Variants in GALNTL6 observed in about 807,000 individuals in gnomAD.
The protein encoded by GALNTL6 is polypeptide N-acetylgalactosaminyltransferase like 6.
Under a neutral mutation model 73.7 loss-of-function variants are expected in GALNTL6, and 46 were observed. That is an observed-to-expected ratio of 0.62 (90% CI 0.49 to 0.80). GALNTL6 has a LOEUF of 0.80. GALNTL6 is among the 30% of genes least tolerant of loss of function. GALNTL6 has a pLI of 0.00. For missense variants in GALNTL6, 604 were observed against 755.0 expected (o/e 0.80, Z 2.34); for synonymous variants, 259 against 263.7 (o/e 0.98, Z 0.17).
intron 8 of GALNTL6, among the ~76,000 whole-genome samples, chr4:172,894,860 G>A (rs1746234237): frequency 6.6e-6 from 1 of 151,110 alleles, no homozygotes; most frequent in African/African-American, 2.4e-5. Flanking sequence ...GGGTGTTTTG[G>A]TATTGGTATT....
At chr4:172,299,261 C>T (rs1302508977) in intron 3 of GALNTL6, among the ~76,000 whole-genome samples, 1 of 152,058 alleles carries the variant, frequency 6.6e-6, no homozygotes, top group East Asian at 1.9e-4. Context: ...TCTCTCTTTT[C>T]TTCTTTATTA....
intron 2 of GALNTL6, among the ~76,000 whole-genome samples, chr4:172,049,259 G>A (rs1454793994): frequency 6.6e-6 from 1 of 152,048 alleles, no homozygotes; most frequent in Non-Finnish European, 1.5e-5. Context: ...GCATTCACAA[G>A]AAGTAAACTT....
chr4:172,901,483 A>T (rs1746627091), intron 8 of GALNTL6, among the ~76,000 whole-genome samples: 1 of 152,174 alleles, frequency 6.6e-6, no homozygotes, highest in South Asian at 2.1e-4. Context: ...TAAGGTCTGG[A>T]AAACACGTCT....
At chr4:172,113,268 A>G (rs553478529) in intron 2 of GALNTL6, among the ~76,000 whole-genome samples, 1 of 152,116 alleles carries the variant, frequency 6.6e-6, no homozygotes, top group Admixed American at 6.6e-5. Context: ...TATAGGTAAG[A>G]TATTATTTAA....
intron 3 of GALNTL6, among the ~76,000 whole-genome samples, chr4:172,231,822 C>A (rs934125108): frequency 6.6e-6 from 1 of 152,136 alleles, no homozygotes; most frequent in African/African-American, 2.4e-5. Flanking sequence ...GTTTTGAATA[C>A]AAAATCCAGT....
At chr4:172,404,459 A>G (rs1429308334) in intron 5 of GALNTL6, among the ~76,000 whole-genome samples, 1 of 152,108 alleles carries the variant, frequency 6.6e-6, no homozygotes, top group African/African-American at 2.4e-5. Context: ...TGCCCTGGCT[A>G]GAAAATAATT....
intron 5 of GALNTL6, among the ~76,000 whole-genome samples, chr4:172,802,421 G>A (rs1740701779): frequency 6.6e-6 from 1 of 152,092 alleles, no homozygotes; most frequent in African/African-American, 2.4e-5. Context: ...TTGGGGGTCT[G>A]AAGAAACTCC....
At chr4:171,946,514 T>C (rs1738705987) in intron 2 of GALNTL6, among the ~76,000 whole-genome samples, 1 of 152,210 alleles carries the variant, frequency 6.6e-6, no homozygotes, top group Non-Finnish European at 1.5e-5. Flanking sequence ...CTCTGTCTCT[T>C]GCTCTGAGCT....
intron 5 of GALNTL6, among the ~76,000 whole-genome samples, chr4:172,785,520 T>C (rs1739603943): frequency 6.6e-6 from 1 of 152,138 alleles, no homozygotes; most frequent in Non-Finnish European, 1.5e-5. Flanking sequence ...TGTCAGGCAC[T>C]ATTCCAGGTA....
At chr4:172,954,377 A>G (rs1749611295) in intron 10 of GALNTL6, among the ~76,000 whole-genome samples, 1 of 152,190 alleles carries the variant, frequency 6.6e-6, no homozygotes, top group Non-Finnish European at 1.5e-5. Flanking sequence ...ATTACCCTAG[A>G]TTGCCTCATA....
chr4:172,216,668 T>C (rs2110938572), intron 2 of GALNTL6, among the ~76,000 whole-genome samples: 1 of 152,330 alleles, frequency 6.6e-6, no homozygotes, highest in Non-Finnish European at 1.5e-5. Flanking sequence ...GATGTTCTTT[T>C]TTTCTCCATT....
At chr4:172,111,785 C>T (rs1291998372) in intron 2 of GALNTL6, among the ~76,000 whole-genome samples, 1 of 151,958 alleles carries the variant, frequency 6.6e-6, no homozygotes, top group South Asian at 2.1e-4. Context: ...TTTAGGCTCA[C>T]AGAAATATTG....
At chr4:172,192,594 C>T (rs998828839) in intron 2 of GALNTL6, among the ~76,000 whole-genome samples, 1 of 152,048 alleles carries the variant, frequency 6.6e-6, no homozygotes, top group African/African-American at 2.4e-5. Flanking sequence ...GAGCTGCCAC[C>T]CCCAGCCAAG....
intron 2 of GALNTL6, among the ~76,000 whole-genome samples, chr4:171,991,097 A>T (rs2110736897): frequency 6.6e-6 from 1 of 152,264 alleles, no homozygotes; most frequent in South Asian, 2.1e-4. Flanking sequence ...ACATGAAAAA[A>T]TTAATAACCT....
chr4:171,834,219 C>T (rs1199944212), intron 2 of GALNTL6, among the ~76,000 whole-genome samples: 1 of 151,876 alleles, frequency 6.6e-6, no homozygotes, highest in Non-Finnish European at 1.5e-5. Flanking sequence ...TACATTTGCT[C>T]TCACGGAATT....
intron 2 of GALNTL6, among the ~76,000 whole-genome samples, chr4:172,097,679 T>G (rs963445683): frequency 2.6e-5 from 4 of 152,214 alleles, no homozygotes; most frequent in African/African-American, 9.6e-5. Flanking sequence ...AGTCATTGTT[T>G]GTTGAGCAAC....
chr4:171,829,733 C>G (rs137887770), intron 2 of GALNTL6, among the ~76,000 whole-genome samples: 225 of 152,138 alleles, frequency 1.5e-3, no homozygotes, highest in Admixed American at 8.6e-3. Flanking sequence ...TATCAACTAC[C>G]TGTTCAGGTA....
At chr4:172,580,384 T>G (rs1737135572) in intron 5 of GALNTL6, among the ~76,000 whole-genome samples, 1 of 152,170 alleles carries the variant, frequency 6.6e-6, no homozygotes, top group African/African-American at 2.4e-5. Context: ...GCAAAACAAC[T>G]TGTATTTAAA....
intron 2 of GALNTL6, among the ~76,000 whole-genome samples, chr4:171,948,377 A>T (rs918426824): frequency 6.6e-6 from 1 of 152,220 alleles, no homozygotes; most frequent in African/African-American, 2.4e-5. Context: ...AGTAATTTAG[A>T]TATGCCAGTG....
Sources: gnomAD v4.1 joint callset for allele counts (sites outside exome capture counted in the v4.1 genomes callset) on GRCh38, gnomAD v4.1.1 for gene constraint, MANE v1.5 for transcripts, NCBI Gene and HGNC (gene_info 2026-07-23, HGNC 2026-07-21) for gene names.